VPS41: variants seen among roughly 807,000 people sequenced by gnomAD.
VPS41 encodes vacuolar protein sorting-associated protein 41 homolog.
Under a neutral mutation model 130.9 loss-of-function variants are expected in VPS41, and 85 were observed. That is an observed-to-expected ratio of 0.65 (90% CI 0.55 to 0.78). VPS41 has a LOEUF of 0.78. Ranked by LOEUF, VPS41 falls within the 30% of genes least tolerant of loss-of-function variation. The pLI, the probability that VPS41 is intolerant of heterozygous loss-of-function variation, is 0.00. For synonymous variants in VPS41, 335 were observed against 332.9 expected (o/e 1.01, Z -0.07); for missense variants, 874 against 1,018.7 (o/e 0.86, Z 1.93).
intron 4 of VPS41, among the ~76,000 whole-genome samples, chr7:38,848,051 C>G (rs2116251569): frequency 1.3e-5 from 2 of 152,336 alleles, no homozygotes; most frequent in African/African-American, 4.8e-5. Context: ...ACTTCCACCA[C>G]AGAAATTATT....
At chr7:38,795,634 G>C in intron 8 of VPS41, 23 bp from the exon 9 acceptor site, 1 of 1,603,632 alleles carries the variant, frequency 6.2e-7, no homozygotes, top group African/African-American at 1.3e-5. Context: ...ACAGCAGTAA[G>C]CATCCTCTAC....
At chr7:38,846,445 G>A (rs567357289) in intron 4 of VPS41, among the ~76,000 whole-genome samples, 34 of 152,296 alleles carry the variant, frequency 2.2e-4, no homozygotes, top group Non-Finnish European at 4.3e-4. Flanking sequence ...GATAATTTGC[G>A]TACGCAAAGA....
chr7:38,872,227 A>C (rs1786380451), intron 2 of VPS41, among the ~76,000 whole-genome samples: 1 of 152,212 alleles, frequency 6.6e-6, no homozygotes, highest in South Asian at 2.1e-4. Flanking sequence ...CTCCGGAGGA[A>C]GCCACTTGCC....
At chr7:38,749,439 A>C (rs1478491743) in intron 22 of VPS41, among the ~76,000 whole-genome samples, 1 of 152,226 alleles carries the variant, frequency 6.6e-6, no homozygotes, top group African/African-American at 2.4e-5. Context: ...GTGTTCTGCC[A>C]GAGGTAAATT....
At chr7:38,730,958 T>C (rs1179864251) in intron 25 of VPS41, among the ~76,000 whole-genome samples, 2 of 152,162 alleles carry the variant, frequency 1.3e-5, no homozygotes, top group African/African-American at 4.8e-5. Context: ...TCAGCAGGAT[T>C]ACATTTTTCT....
At chr7:38,744,189 CAT>C (rs1795941934) in intron 23 of VPS41, among the ~76,000 whole-genome samples, 1 of 152,184 alleles carries the variant, frequency 6.6e-6, no homozygotes, top group Non-Finnish European at 1.5e-5. Flanking sequence ...ATTGTCTTTA[CAT>C]ACTTTGCTCA....
Position 38,797,897 on chromosome 7 carries a change from C to T in VPS41, c.451-1033G>A, listed in dbSNP as rs527817297. ...CCCTAAAATTAAATATGATGTCCAT[C>T]ATCACAAGTAAGCAAAGTACAGTTA... On this transcript the variant is annotated intron_variant, in intron 7 of 28. Coordinates refer to ENST00000310301, the MANE Select transcript of VPS41 (RefSeq NM_014396.4). Among the ~76,000 whole-genome samples, 8 of 152,294 alleles carry T rather than the reference C, an allele frequency of 5.3e-5. No homozygotes were observed. The East Asian group carries it at 1.3e-3, about 26-fold the overall frequency.
chr7:38,893,020 G>A (rs1198783720), intron 2 of VPS41, among the ~76,000 whole-genome samples: 1 of 152,062 alleles, frequency 6.6e-6, no homozygotes, highest in East Asian at 1.9e-4. Context: ...CACGCAAATG[G>A]TCTTCCTGCT....
intron 4 of VPS41, among the ~76,000 whole-genome samples, chr7:38,852,938 A>T (rs2116271180): frequency 6.6e-6 from 1 of 152,032 alleles, no homozygotes; most frequent in South Asian, 2.1e-4. Flanking sequence ...CCTTGAAAAC[A>T]CTCCATTCTT....
At chr7:38,807,413 G>A (rs986638754) in intron 7 of VPS41, among the ~76,000 whole-genome samples, 3 of 151,942 alleles carry the variant, frequency 2.0e-5, no homozygotes, top group Admixed American at 6.5e-5. Context: ...CATACAGGTC[G>A]AGGGGGATCC....
At chr7:38,847,137 T>C (rs1785743891) in intron 4 of VPS41, among the ~76,000 whole-genome samples, 1 of 152,276 alleles carries the variant, frequency 6.6e-6, no homozygotes, top group Non-Finnish European at 1.5e-5. Flanking sequence ...AGTTCAGTGC[T>C]GTCTGTGGAG....
chr7:38,803,457 G>A (rs187113336), intron 7 of VPS41, among the ~76,000 whole-genome samples: 2 of 152,306 alleles, frequency 1.3e-5, no homozygotes, highest in East Asian at 1.9e-4. Context: ...GTGTTCCCAC[G>A]GGGAGAACCA....
At chr7:38,871,257 A>G (rs901892868) in intron 2 of VPS41, among the ~76,000 whole-genome samples, 16 of 152,236 alleles carry the variant, frequency 1.1e-4, no homozygotes, top group Non-Finnish European at 2.1e-4. Context: ...GTAGAGTAAT[A>G]AGTGCTCTGC....
chr7:38,907,496 G>A (rs750910440), intron 1 of VPS41, among the ~76,000 whole-genome samples: 8 of 152,192 alleles, frequency 5.3e-5, no homozygotes, highest in Non-Finnish European at 7.3e-5. Context: ...GAATATCAGA[G>A]GTGTTTCACC....
intron 5 of VPS41, among the ~76,000 whole-genome samples, chr7:38,830,000 T>G (rs896197610): frequency 3.3e-5 from 5 of 152,230 alleles, no homozygotes; most frequent in African/African-American, 1.2e-4. Context: ...ATGATTAAGG[T>G]GACACGTCAC....
chr7:38,791,867 C>T (rs1249914744), intron 9 of VPS41, among the ~76,000 whole-genome samples: 1 of 152,002 alleles, frequency 6.6e-6, no homozygotes, highest in Admixed American at 6.6e-5. Flanking sequence ...AAACCAGCAC[C>T]AAAAAGACTT....
At chr7:38,879,920 T>C (rs1312994273) in intron 2 of VPS41, among the ~76,000 whole-genome samples, 2 of 151,700 alleles carry the variant, frequency 1.3e-5, no homozygotes, top group African/African-American at 2.4e-5. Context: ...GAAAGAAAAT[T>C]ATCCAAAATC....
At chr7:38,858,852 T>G (rs1786041531) in intron 4 of VPS41, among the ~76,000 whole-genome samples, 1 of 152,172 alleles carries the variant, frequency 6.6e-6, no homozygotes, top group South Asian at 2.1e-4. Flanking sequence ...TTCTTATTGG[T>G]ATTTAGAATA....
At position 38,776,730 on chromosome 7, in the gene VPS41, G is replaced by A; in HGVS notation, c.831C>T (p.Leu277=). 6.2e-7 allele frequency: 1 copy of A among 1,612,526 alleles called. No homozygotes were observed. Among genetic ancestry groups the A allele is most frequent in the Non-Finnish European group, 8.5e-7 (1 of 1,178,812 alleles). The change falls in exon 11 of 29, where the codon CTC becomes CTT. Residue 277 remains leucine, a synonymous_variant. Coordinates refer to ENST00000310301, the MANE Select transcript of VPS41 (RefSeq NM_014396.4). ...TEFYISGLAP[L]CDQLVVLSYV... ...ACGAAAGTACAACAAGCTGATCACA[G>A]AGAGGTGCAAGTCCACTGATGTAGA...
Sources: allele counts gnomAD v4.1 joint callset (sites outside exome capture counted in the v4.1 genomes callset), GRCh38; gene constraint gnomAD v4.1.1; transcripts MANE v1.5; gene names NCBI Gene and HGNC (gene_info 2026-07-23, HGNC 2026-07-21).